TANGO2: variants seen among roughly 807,000 people sequenced by gnomAD.
TANGO2 encodes the protein transport and Golgi organization protein 2 homolog.
In TANGO2, 26 loss-of-function variants were observed where a neutral mutation model predicts 39.1. That is an observed-to-expected ratio of 0.67 (90% CI 0.49 to 0.92). The LOEUF (loss-of-function observed/expected upper bound fraction) is 0.92. Ranked by LOEUF, TANGO2 falls within the 40% of genes least tolerant of loss-of-function variation. TANGO2 has a pLI of 0.00. For synonymous variants in TANGO2, 131 were observed against 144.5 expected (o/e 0.91, Z 0.67); for missense variants, 326 against 360.1 (o/e 0.91, Z 0.77).
At chr22:20,046,452 G>A (rs1368780186) in intron 3 of TANGO2, among the ~76,000 whole-genome samples, 1 of 147,436 alleles carries the variant, frequency 6.8e-6, no homozygotes, top group Non-Finnish European at 1.5e-5. Flanking sequence ...CCCAGCCAAG[G>A]CTGGGTAATT....
At chr22:20,022,202 G>A (rs1295226230) in intron 1 of TANGO2, among the ~76,000 whole-genome samples, 1 of 152,252 alleles carries the variant, frequency 6.6e-6, no homozygotes, top group Non-Finnish European at 1.5e-5. Context: ...CTCAGGCTAA[G>A]GTGGCAGATC....
intron 6 of TANGO2, among the ~76,000 whole-genome samples, chr22:20,060,609 T>A (rs1406837011): frequency 6.6e-6 from 1 of 152,128 alleles, no homozygotes; most frequent in Non-Finnish European, 1.5e-5. Flanking sequence ...CCAACTCCCT[T>A]CTTTGCCCAT....
At chr22:20,056,467 C>G (rs763951043) in intron 6 of TANGO2, 24 of 458,958 alleles carry the variant, frequency 5.2e-5, no homozygotes, top group South Asian at 3.3e-4. Flanking sequence ...GTCTGATCCC[C>G]GGTCCCCATC....
chr22:20,019,548 G>T (rs1043219271), upstream of TANGO2, among the ~76,000 whole-genome samples: 1 of 152,234 alleles, frequency 6.6e-6, no homozygotes, highest in African/African-American at 2.4e-5. Flanking sequence ...AGGCCACAAG[G>T]TATGACAGAA....
In TANGO2 at chr22:20,061,352, A is replaced by G. The variant is rs1018928446; in HGVS notation, c.452-178A>G. 7 of 658,690 alleles carry G rather than the reference A, an allele frequency of 1.1e-5. No individual in the cohort carries two copies. In the African/African-American group the frequency reaches 1.1e-4, roughly 10 times the overall value. The allele number at this position is 658,690 out of a possible 1,614,324, so 40.8% of individuals were successfully genotyped here. A position where few individuals can be genotyped will look rare whatever the true frequency, so the allele number is the denominator to read the frequency against. On this transcript the variant is annotated intron_variant, in intron 6 of 8. Transcript: ENST00000327374. ...ACTGCTGAGTTCTCCTCTCCTTGCCATGCCATCAGGTCAGGAATGAGCATG... is the reference window on the plus strand; with the variant it reads ...ACTGCTGAGTTCTCCTCTCCTTGCCGTGCCATCAGGTCAGGAATGAGCATG...
intron 3 of TANGO2, chr22:20,047,919 T>C (rs2045545273): frequency 6.6e-6 from 1 of 150,976 alleles, no homozygotes; most frequent in Non-Finnish European, 1.5e-5. Flanking sequence ...TGAGATCTGA[T>C]AGTGTTTTGT....
chr22:20,036,714 T>C, intron 1 of TANGO2, 46 bp from the exon 2 acceptor site: 1 of 1,537,368 alleles, frequency 6.5e-7, no homozygotes, highest in Non-Finnish European at 9.0e-7. Flanking sequence ...AGGGCAGCCC[T>C]GAGTGTCTGC....
intron 3 of TANGO2, among the ~76,000 whole-genome samples, chr22:20,046,587 C>G (rs1263551523): frequency 1.3e-5 from 2 of 151,760 alleles, no homozygotes; most frequent in Non-Finnish European, 2.9e-5. Context: ...GCCTCAGCCT[C>G]CTGAGTAGCT....
intron 3 of TANGO2, among the ~76,000 whole-genome samples, chr22:20,046,835 A>T (rs1417684842): frequency 1.3e-5 from 2 of 152,038 alleles, no homozygotes; most frequent in African/African-American, 2.4e-5. Context: ...ATGGGGTTTC[A>T]CCAGGTTGGC....
chr22:20,036,477 G>C (rs1012206045), intron 1 of TANGO2, among the ~76,000 whole-genome samples: 1 of 152,138 alleles, frequency 6.6e-6, no homozygotes, highest in Non-Finnish European at 1.5e-5. Flanking sequence ...ACCCCAGCTC[G>C]GTGTGTCCAG....
At chr22:20,043,288 G>A in intron 2 of TANGO2, 67 bp from the exon 3 acceptor site, 2 of 1,252,818 alleles carry the variant, frequency 1.6e-6, no homozygotes, top group Non-Finnish European at 1.2e-6. Context: ...TTTTGTGTGT[G>A]AAAAGAGAAA....
intron 5 of TANGO2, 98 bp from the exon 6 acceptor site, chr22:20,055,845 A>G: frequency 8.9e-7 from 1 of 1,123,240 alleles, no homozygotes; most frequent in South Asian, 1.3e-5. Context: ...TACTGCGCAC[A>G]TCGCTAGCCT....
chr22:20,036,740 G>A lies in TANGO2; in HGVS notation c.-39-20G>A, dbSNP rs978379670. The A allele has an allele frequency of 6.2e-7, 1 of 1,607,394 alleles. No individual in the cohort carries two copies. The highest frequency in any genetic ancestry group is 8.5e-7 in the Non-Finnish European group (1 of 1,174,040). The stretch of plus-strand genomic sequence containing the variant: ...GAGTGTCTGCCATCCGCTCAACTCA[G>A]TGTTTTCCTTTTCCCGCAGACCTCG... On this transcript the variant is annotated intron_variant, in intron 1 of 8. Coordinates refer to ENST00000327374, the MANE Select transcript of TANGO2 (RefSeq NM_152906.7).
intron 1 of TANGO2, among the ~76,000 whole-genome samples, chr22:20,030,552 G>T (rs1338332094): frequency 2.6e-5 from 4 of 152,098 alleles, no homozygotes; most frequent in African/African-American, 9.7e-5. Context: ...TCACCATATT[G>T]GCCAGGCTGG....
At chr22:20,036,274 A>G (rs879424795) in intron 1 of TANGO2, among the ~76,000 whole-genome samples, 3 of 152,130 alleles carry the variant, frequency 2.0e-5, no homozygotes, top group African/African-American at 4.8e-5. Context: ...CCTGCGTACT[A>G]GGGGATAAAT....
At chr22:20,028,593 G>T (rs1353057734) in intron 1 of TANGO2, among the ~76,000 whole-genome samples, 1 of 152,250 alleles carries the variant, frequency 6.6e-6, no homozygotes, top group Non-Finnish European at 1.5e-5. Flanking sequence ...GAATGAACAG[G>T]CAGCGTATGG....
At position 20,037,005 on chromosome 22, in the gene TANGO2, A is replaced by T. The variant is rs746142026; in HGVS notation, c.56+151A>T. 13 of 1,586,272 alleles carry T rather than the reference A, an allele frequency of 8.2e-6. No individual in the cohort carries two copies. The South Asian group carries it at 1.5e-4, about 18-fold the overall frequency. ...ACTGCCCTCCAGGACAGGGTCACTC[A>T]GTGTGGGATGCTGTCAGAATGCCTC... On this transcript the variant is annotated intron_variant, in intron 2 of 8. Transcript: ENST00000327374.
At chr22:20,062,696 G>A (rs1331586825) in intron 7 of TANGO2, among the ~76,000 whole-genome samples, 1 of 152,048 alleles carries the variant, frequency 6.6e-6, no homozygotes, top group Non-Finnish European at 1.5e-5. Flanking sequence ...GTGGACTTCT[G>A]TCACAGAGGC....
intron 6 of TANGO2, among the ~76,000 whole-genome samples, chr22:20,060,328 G>A (rs111323873): frequency 3.8e-5 from 5 of 130,708 alleles, no homozygotes; most frequent in Admixed American, 9.5e-5. Context: ...CAGCCTGGGC[G>A]ACAGAGTAAG....
Sources: gnomAD v4.1 joint callset for allele counts (sites outside exome capture counted in the v4.1 genomes callset) on GRCh38, gnomAD v4.1.1 for gene constraint, MANE v1.5 for transcripts, NCBI Gene and HGNC (gene_info 2026-07-23, HGNC 2026-07-21) for gene names.